SGPP2: variants seen among roughly 807,000 people sequenced by gnomAD.
SGPP2 encodes the protein sphingosine-1-phosphate phosphatase 2, also known as sphingosine 1-phosphate phosphohydrolase 2.
In SGPP2, 30 loss-of-function variants were observed where a neutral mutation model predicts 33.9. That is an observed-to-expected ratio of 0.89 (90% CI 0.66 to 1.20). The LOEUF (loss-of-function observed/expected upper bound fraction) is 1.20. SGPP2 is among the 50% of genes most tolerant of loss of function. SGPP2 has a pLI of 0.00. For missense variants in SGPP2, 458 were observed against 532.1 expected, an observed-to-expected ratio of 0.86 and a Z score of 1.37; for synonymous variants, 233 against 225.0, an observed-to-expected ratio of 1.04 and a Z score of -0.32.
At chr2:222,439,603 A>G (rs562529072) in intron 1 of SGPP2, among the ~76,000 whole-genome samples, 3 of 152,342 alleles carry the variant, frequency 2.0e-5, no homozygotes, top group East Asian at 3.9e-4. Context: ...ACATCATGTC[A>G]TAGAATACTA....
chr2:222,448,611 T>C (rs894747984), intron 1 of SGPP2, among the ~76,000 whole-genome samples: 1 of 152,240 alleles, frequency 6.6e-6, no homozygotes, highest in East Asian at 1.9e-4. Context: ...TTTTTGTTGG[T>C]AGCATTTAGA....
chr2:222,463,349 G>A (rs746979888), intron 1 of SGPP2, among the ~76,000 whole-genome samples: 4 of 152,262 alleles, frequency 2.6e-5, no homozygotes, highest in Admixed American at 6.5e-5. Flanking sequence ...ATGGGGAAGC[G>A]GCTGAGCACA....
chr2:222,558,028 C>T (rs1001557621), intron 4 of SGPP2, among the ~76,000 whole-genome samples: 13 of 151,952 alleles, frequency 8.6e-5, no homozygotes, highest in Non-Finnish European at 1.8e-4. Context: ...ATATAAGTGT[C>T]GAAATACTAG....
intron 4 of SGPP2, among the ~76,000 whole-genome samples, chr2:222,527,946 A>T (rs559001945): frequency 6.6e-6 from 1 of 152,140 alleles, no homozygotes; most frequent in South Asian, 2.1e-4. Flanking sequence ...AAAGAAACCT[A>T]TGCCACCCCT....
At chr2:222,433,320 C>T (rs1171083751) in intron 1 of SGPP2, among the ~76,000 whole-genome samples, 4 of 152,108 alleles carry the variant, frequency 2.6e-5, no homozygotes, top group Admixed American at 6.6e-5. Context: ...TTATAAACCC[C>T]TCTCAGTGGA....
intron 2 of SGPP2, among the ~76,000 whole-genome samples, chr2:222,492,860 C>T (rs1698219281): frequency 6.6e-6 from 1 of 152,188 alleles, no homozygotes; most frequent in African/African-American, 2.4e-5. Context: ...AAAATGCCAG[C>T]AGTCTCTTTG....
intron 2 of SGPP2, among the ~76,000 whole-genome samples, chr2:222,483,640 A>C (rs1275615153): frequency 6.6e-6 from 1 of 152,240 alleles, no homozygotes; most frequent in Non-Finnish European, 1.5e-5. Flanking sequence ...GTGTCAAAAC[A>C]GACTAGTGTG....
rs1263814247 is a variant in SGPP2 at position 222,470,006 on chromosome 2, A to G, written c.220-4562A>G. On this transcript the variant is annotated intron_variant, in intron 1 of 4. Coordinates refer to ENST00000321276, the MANE Select transcript of SGPP2 (RefSeq NM_152386.4). The stretch of plus-strand genomic sequence containing the variant: ...GGAAGCCATCATTCTCAGCAAACTA[A>G]CACAGGAACAGAAAACCAAACACCA... Among the ~76,000 whole-genome samples, 3 of 152,306 alleles carry G rather than the reference A, an allele frequency of 2.0e-5. No homozygotes were observed. The East Asian group carries it at 5.8e-4, about 29-fold the overall frequency.
intron 1 of SGPP2, among the ~76,000 whole-genome samples, chr2:222,426,447 C>A (rs752897405): frequency 2.0e-5 from 3 of 152,140 alleles, no homozygotes; most frequent in Admixed American, 1.3e-4. Context: ...TTAAACATCA[C>A]CCCTGGTAAC....
chr2:222,478,536 G>T (rs1697984880), intron 2 of SGPP2, among the ~76,000 whole-genome samples: 2 of 152,104 alleles, frequency 1.3e-5, no homozygotes, highest in Non-Finnish European at 1.5e-5. Flanking sequence ...TAAATTAGTG[G>T]CTGCTTCTTC....
intron 4 of SGPP2, among the ~76,000 whole-genome samples, chr2:222,526,036 G>T (rs1025697178): frequency 1.3e-5 from 2 of 152,156 alleles, no homozygotes; most frequent in Non-Finnish European, 2.9e-5. Flanking sequence ...GCAACATTAC[G>T]CTTTCCTCTT....
At chr2:222,527,048 A>G (rs1698769275) in intron 4 of SGPP2, among the ~76,000 whole-genome samples, 1 of 152,232 alleles carries the variant, frequency 6.6e-6, no homozygotes, top group African/African-American at 2.4e-5. Flanking sequence ...AAGCACGAGC[A>G]TGTAGAGCTA....
chr2:222,547,746 A>T (rs1689226547), intron 4 of SGPP2, among the ~76,000 whole-genome samples: 1 of 152,196 alleles, frequency 6.6e-6, no homozygotes, highest in Non-Finnish European at 1.5e-5. Flanking sequence ...TACATGCAAT[A>T]TCCATATTCA....
At position 222,548,777 on chromosome 2, in the gene SGPP2, C is replaced by T. The variant is rs145967835; in HGVS notation, c.649-9570C>T. Among the ~76,000 whole-genome samples the T allele has an allele frequency of 7.6e-3, 1,162 of 152,282 alleles. 15 individuals are homozygous for T. Among genetic ancestry groups the T allele is most frequent in the African/African-American group, 0.027 (1,125 of 41,552 alleles). On this transcript the variant is annotated intron_variant, in intron 4 of 4. Coordinates refer to ENST00000321276, the MANE Select transcript of SGPP2 (RefSeq NM_152386.4). ...TGCTAATTACATGTAGGTTTCTCTC[C>T]GTAATCATTTATATTCATATTCATG...
In SGPP2 at chr2:222,474,692, C is replaced by T. The variant is rs1164444072; in HGVS notation, c.344C>T (p.Pro115Leu). The change falls in exon 2 of 5, where the codon CCT (proline) becomes CTT (leucine). Residue 115 changes from proline (P) to leucine (L), a missense_variant. Transcript: ENST00000321276. ...FLPFTHWNID[P>L]YLSRRLIIIW... ...CCATTCACTCACTGGAATATTGACCCTTATTTATCCAGAAGATTGATCATC... is the reference window on the plus strand; with the variant it reads ...CCATTCACTCACTGGAATATTGACCTTTATTTATCCAGAAGATTGATCATC... 3.7e-6 allele frequency: 6 copies of T among 1,613,948 alleles called. No homozygotes were observed. Among genetic ancestry groups the T allele is most frequent in the Non-Finnish European group, 4.2e-6 (5 of 1,179,876 alleles).
intron 2 of SGPP2, among the ~76,000 whole-genome samples, chr2:222,516,779 G>C (rs1305077158): frequency 6.6e-6 from 1 of 152,080 alleles, no homozygotes; most frequent in Non-Finnish European, 1.5e-5. Context: ...CATAGCAGTA[G>C]GTCCCCAATA....
chr2:222,547,612 T>C (rs1689223809), intron 4 of SGPP2, among the ~76,000 whole-genome samples: 1 of 152,290 alleles, frequency 6.6e-6, no homozygotes, highest in Non-Finnish European at 1.5e-5. Context: ...AATTATACTA[T>C]ACTATTATAC....
rs1697928025 is a variant in SGPP2, at chr2:222,476,024, G to C, written c.378+1298G>C. On this transcript the variant is annotated intron_variant, in intron 2 of 4. Transcript: ENST00000321276. This position sits in a 1 kb window ranked among gnomAD's most constrained non-coding sequence, Gnocchi z 4.3. Reference sequence around the variant, plus strand: ...ATAGTGACTGGTGCATGAAGGCGAAGGAGTCTTGAAGATCAACCAACTCTA... The same window carrying C: ...ATAGTGACTGGTGCATGAAGGCGAACGAGTCTTGAAGATCAACCAACTCTA... Among the ~76,000 whole-genome samples, 1 of 152,170 alleles carries C rather than the reference G, an allele frequency of 6.6e-6. No individual in the cohort carries two copies. The highest frequency in any genetic ancestry group is 2.4e-5 in the African/African-American group (1 of 41,438).
intron 2 of SGPP2, among the ~76,000 whole-genome samples, chr2:222,489,920 A>AT (rs1359311628): frequency 6.6e-6 from 1 of 152,150 alleles, no homozygotes; most frequent in Non-Finnish European, 1.5e-5. Context: ...AGCCGAGATC[A>AT]TGCCATTGCA....
Sources: allele counts gnomAD v4.1 joint callset (sites outside exome capture counted in the v4.1 genomes callset), GRCh38; gene constraint gnomAD v4.1.1; non-coding constraint Gnocchi (gnomAD v3.1); transcripts MANE v1.5; gene names NCBI Gene and HGNC (gene_info 2026-07-23, HGNC 2026-07-21).